Variants in RUNX1 observed in about 807,000 individuals in gnomAD.
The protein encoded by RUNX1 is RUNX family transcription factor 1, also known as runt-related transcription factor 1.
In RUNX1, 19 loss-of-function variants were observed where a neutral mutation model predicts 42.8. The ratio of observed to expected loss-of-function variants is 0.44; its 90% CI spans 0.31 to 0.65. RUNX1 has a LOEUF of 0.65. Among genes scored for constraint, RUNX1 ranks in the 30% least tolerant of loss-of-function variants. RUNX1 has a pLI of 0.07. For synonymous variants in RUNX1, 271 were observed against 289.4 expected, an observed-to-expected ratio of 0.94 and a Z score of 0.64; for missense variants, 528 against 672.0, an observed-to-expected ratio of 0.79 and a Z score of 2.37.
chr21:34,800,778 C>G (rs1032347476), intron 7 of RUNX1, among the ~76,000 whole-genome samples: 1 of 152,122 alleles, frequency 6.6e-6, no homozygotes, highest in African/African-American at 2.4e-5. Flanking sequence ...CATACTGATT[C>G]ATTTCTTTCT....
intron 7 of RUNX1, among the ~76,000 whole-genome samples, chr21:34,811,040 G>C (rs2056751459): frequency 1.3e-5 from 2 of 152,192 alleles, no homozygotes; most frequent in Non-Finnish European, 2.9e-5. Context: ...GCAGAACACA[G>C]CTGCGTCAGG....
At chr21:34,935,707 T>A (rs762951329) in intron 2 of RUNX1, among the ~76,000 whole-genome samples, 5 of 152,084 alleles carry the variant, frequency 3.3e-5, no homozygotes, top group Non-Finnish European at 5.9e-5. Context: ...GGCTCATCCC[T>A]AACCCCTACC....
At chr21:34,861,028 G>A (rs935220153) in intron 5 of RUNX1, among the ~76,000 whole-genome samples, 35 of 152,184 alleles carry the variant, frequency 2.3e-4, no homozygotes, top group African/African-American at 7.5e-4. Flanking sequence ...TCCAATAAAC[G>A]AGGTGAGGAT....
chr21:34,913,534 C>A (rs749789262), intron 2 of RUNX1, among the ~76,000 whole-genome samples: 1 of 152,156 alleles, frequency 6.6e-6, no homozygotes, highest in Admixed American at 6.5e-5. Flanking sequence ...ACGTCTTAAG[C>A]CTCGTCACCT....
Position 34,791,964 on chromosome 21 carries a change from C to T in RUNX1, c.*171G>A. 1 of 414,810 alleles carries T rather than the reference C, an allele frequency of 2.4e-6. No homozygotes were observed. Among genetic ancestry groups the T allele is most frequent in the South Asian group, 2.7e-5 (1 of 37,302 alleles). 25.7% of individuals were successfully genotyped at this position (414,810 alleles called of 1,614,324 possible). On this transcript the variant is annotated 3_prime_UTR_variant, in exon 9 of 9. Transcript: ENST00000675419. ...GGCGTGGGCTTCTGGGCGCAGGAGGCTGCGCGGGCCTGACCTACAGCGAGA... is the reference window on the plus strand; with the variant it reads ...GGCGTGGGCTTCTGGGCGCAGGAGGTTGCGCGGGCCTGACCTACAGCGAGA...
intron 6 of RUNX1, among the ~76,000 whole-genome samples, chr21:34,844,314 G>A (rs1478375461): frequency 1.3e-5 from 2 of 152,166 alleles, no homozygotes; most frequent in Non-Finnish European, 2.9e-5. Context: ...GCATCAGCAG[G>A]GCTAGTCCTG....
intron 6 of RUNX1, among the ~76,000 whole-genome samples, chr21:34,845,169 A>G (rs1229934850): frequency 6.6e-6 from 1 of 152,234 alleles, no homozygotes; most frequent in Admixed American, 6.5e-5. Flanking sequence ...AGAGCACAGC[A>G]TGGTGATGAA....
chr21:35,046,009 T>C (rs1009819875), intron 2 of RUNX1, among the ~76,000 whole-genome samples: 11 of 152,186 alleles, frequency 7.2e-5, no homozygotes, highest in African/African-American at 2.4e-4. Flanking sequence ...AATATGTACG[T>C]GCCGAGGCTT....
chr21:34,943,126 A>G (rs1486579007), intron 2 of RUNX1, among the ~76,000 whole-genome samples: 2 of 152,208 alleles, frequency 1.3e-5, no homozygotes, highest in African/African-American at 4.8e-5. Flanking sequence ...TCATGTCATC[A>G]AGATCAGCTT....
chr21:34,848,677 G>A (rs572043743), intron 6 of RUNX1, among the ~76,000 whole-genome samples: 3 of 152,076 alleles, frequency 2.0e-5, no homozygotes, highest in Non-Finnish European at 2.9e-5. Context: ...TCAGGTAATC[G>A]GCCCACCTCG....
At chr21:34,900,277 G>C (rs1461589766) in intron 2 of RUNX1, among the ~76,000 whole-genome samples, 3 of 152,082 alleles carry the variant, frequency 2.0e-5, no homozygotes, top group African/African-American at 7.2e-5. Flanking sequence ...ATCTCAATTT[G>C]GTTTAGCCAC....
At chr21:35,035,424 G>A (rs953223363) in intron 2 of RUNX1, among the ~76,000 whole-genome samples, 4 of 152,192 alleles carry the variant, frequency 2.6e-5, no homozygotes, top group East Asian at 3.8e-4. Context: ...TGGGAAAGCC[G>A]AAGAGAATCT....
intron 2 of RUNX1, among the ~76,000 whole-genome samples, chr21:35,004,152 T>C (rs78729722): frequency 0.017 from 2,531 of 152,306 alleles, 65 homozygotes; most frequent in African/African-American, 0.058. Context: ...AACTTGGAAA[T>C]ACAGAACTGT....
intron 2 of RUNX1, among the ~76,000 whole-genome samples, chr21:34,939,664 G>A (rs1305622355): frequency 1.3e-5 from 2 of 152,034 alleles, no homozygotes; most frequent in Non-Finnish European, 2.9e-5. Flanking sequence ...TAACTAGAGA[G>A]GACCTAAAAA....
chr21:34,871,363 G>A (rs1432237126), intron 5 of RUNX1, among the ~76,000 whole-genome samples: 1 of 152,170 alleles, frequency 6.6e-6, no homozygotes, highest in African/African-American at 2.4e-5. Context: ...ATCTAGGAGC[G>A]TTGCTCTACT....
chr21:34,838,536 A>G (rs536309943), intron 6 of RUNX1, among the ~76,000 whole-genome samples: 152 of 152,260 alleles, frequency 1.0e-3, no homozygotes, highest in Non-Finnish European at 1.9e-3. Context: ...CTAAAAGCAT[A>G]TAAGAATTTT....
rs940356217 is a variant in RUNX1 at position 34,858,464 on chromosome 21, C to T, written c.613+1010G>A. ...AGCTCTCATTATTATCCCCATTTTA[C>T]AGAAGAGGAAAGTGAGGTTCAGCAA... On this transcript the variant is annotated intron_variant, in intron 6 of 8. Transcript: ENST00000675419. Among the ~76,000 whole-genome samples the T allele has an allele frequency of 6.6e-5, 10 of 152,184 alleles. 1 individual carries two copies. The East Asian group carries it at 1.9e-3, about 29-fold the overall frequency.
At chr21:34,917,604 T>G (rs1184188365) in intron 2 of RUNX1, among the ~76,000 whole-genome samples, 6 of 152,138 alleles carry the variant, frequency 3.9e-5, no homozygotes, top group African/African-American at 1.4e-4. Context: ...TCTCTCTCAT[T>G]CTTGGCAGAA....
rs145727295 is a variant in RUNX1, at chr21:34,977,123, G to A, written c.58+71719C>T. Among the ~76,000 whole-genome samples, 465 of 152,196 alleles carry A rather than the reference G, an allele frequency of 3.1e-3. 2 individuals carry two copies. Among genetic ancestry groups the A allele is most frequent in the Non-Finnish European group, 3.5e-3 (241 of 68,022 alleles). On this transcript the variant is annotated intron_variant, in intron 2 of 8. Coordinates refer to ENST00000675419, the MANE Select transcript of RUNX1 (RefSeq NM_001754.5). ...AATGTTGTGTTTTGTTGTTGCTGCC[G>A]TTTTACTGACTATGGCTATTGTGTG...
Sources: gnomAD v4.1 joint callset for allele counts (sites outside exome capture counted in the v4.1 genomes callset) on GRCh38, gnomAD v4.1.1 for gene constraint, MANE v1.5 for transcripts, NCBI Gene and HGNC (gene_info 2026-07-23, HGNC 2026-07-21) for gene names.